The following BMPR1A variants were observed in gnomAD, a reference collection of about 807,000 sequenced individuals.
BMPR1A encodes the protein bone morphogenetic protein receptor type-1A.
In BMPR1A, 7 loss-of-function variants were observed where a neutral mutation model predicts 66.0. The ratio of observed to expected loss-of-function variants is 0.11; its 90% confidence interval spans 0.06 to 0.20. The LOEUF is 0.20. Among genes scored for constraint, BMPR1A ranks in the 10% least tolerant of loss-of-function variants. The probability of loss-of-function intolerance (pLI) is 1.00; values close to 1 mark genes in which losing one functional copy is unlikely to be tolerated. For missense variants in BMPR1A, 408 were observed against 669.1 expected, an observed-to-expected ratio of 0.61 and a Z score of 4.31; for synonymous variants, 200 against 229.7, an observed-to-expected ratio of 0.87 and a Z score of 1.17.
At chr10:86,923,240 AGT>A in intron 11 of BMPR1A, 134 bp from the exon 12 acceptor site, 8 of 1,194,772 alleles carry the variant, frequency 6.7e-6, no homozygotes, top group Non-Finnish European at 9.6e-6. Context: ...TACTATTAAG[AGT>A]GAATCATAGT....
At chr10:86,812,685 T>G (rs987095670) in intron 1 of BMPR1A, among the ~76,000 whole-genome samples, 4 of 152,140 alleles carry the variant, frequency 2.6e-5, no homozygotes, top group African/African-American at 7.2e-5. Context: ...ACAGCAAAAT[T>G]GAAGAAGTAC....
At chr10:86,864,401 G>A (rs1272057631) in intron 2 of BMPR1A, among the ~76,000 whole-genome samples, 1 of 152,098 alleles carries the variant, frequency 6.6e-6, no homozygotes, top group Non-Finnish European at 1.5e-5. Flanking sequence ...CCTCTGTCAC[G>A]ACCTTCCGTA....
intron 3 of BMPR1A, among the ~76,000 whole-genome samples, chr10:86,877,688 C>T (rs1842937262): frequency 6.6e-6 from 1 of 152,172 alleles, no homozygotes; most frequent in Non-Finnish European, 1.5e-5. Flanking sequence ...TAGTACAATA[C>T]CTTTACTTCA....
At chr10:86,891,998 G>A in intron 4 of BMPR1A, 129 bp from the exon 5 acceptor site, 1 of 730,480 alleles carries the variant, frequency 1.4e-6, no homozygotes, top group East Asian at 2.8e-5. Context: ...AATCACGTGT[G>A]AATGCAATTC....
chr10:86,841,671 G>T (rs1470594510), intron 2 of BMPR1A, among the ~76,000 whole-genome samples: 1 of 152,214 alleles, frequency 6.6e-6, no homozygotes, highest in Non-Finnish European at 1.5e-5. Flanking sequence ...GTATGCTAAT[G>T]AGTTAACTGG....
At chr10:86,898,185 G>C (rs570874463) in intron 5 of BMPR1A, among the ~76,000 whole-genome samples, 1 of 151,936 alleles carries the variant, frequency 6.6e-6, no homozygotes, top group African/African-American at 2.4e-5. Flanking sequence ...CTCCCAAGTA[G>C]CCACCACACC....
At chr10:86,903,791 T>G (rs1335438437) in intron 7 of BMPR1A, among the ~76,000 whole-genome samples, 1 of 152,074 alleles carries the variant, frequency 6.6e-6, no homozygotes, top group African/African-American at 2.4e-5. Context: ...GTATTTTTAG[T>G]AGAGACGGGG....
intron 9 of BMPR1A, among the ~76,000 whole-genome samples, chr10:86,918,276 A>G (rs1843606802): frequency 6.6e-6 from 1 of 151,630 alleles, no homozygotes; most frequent in South Asian, 2.1e-4. Flanking sequence ...TATAGATGAC[A>G]TGGATTTTAG....
intron 1 of BMPR1A, among the ~76,000 whole-genome samples, chr10:86,787,111 A>G (rs988550522): frequency 6.6e-6 from 1 of 152,064 alleles, no homozygotes; most frequent in Admixed American, 6.5e-5. Flanking sequence ...CCTTTAAAAC[A>G]TGTGTTATAT....
At chr10:86,791,713 CTTCCTTCCTTCCTTCCT>C (rs1841626750) in intron 1 of BMPR1A, among the ~76,000 whole-genome samples, 1 of 108,788 alleles carries the variant, frequency 9.2e-6, no homozygotes, top group African/African-American at 3.5e-5. Flanking sequence ...CCCTCCCTCC[CTTCCTTCCTTCCTTCCT>C]TCCCTCCCTC....
intron 2 of BMPR1A, among the ~76,000 whole-genome samples, chr10:86,861,132 C>T (rs544262522): frequency 3.3e-5 from 5 of 152,144 alleles, no homozygotes; most frequent in Admixed American, 6.5e-5. Context: ...TGAGCCACCG[C>T]GCCTGGCCTA....
At chr10:86,906,995 CATCTTT>C (rs1222304999) in intron 7 of BMPR1A, among the ~76,000 whole-genome samples, 1 of 151,794 alleles carries the variant, frequency 6.6e-6, no homozygotes, top group Admixed American at 6.6e-5. Context: ...AAACATTCTT[CATCTTT>C]AATAGCATGT....
chr10:86,912,269 G>T lies in BMPR1A; in HGVS notation c.560G>T (p.Arg187Leu), dbSNP rs189059377. ...KHYCKSISSRRRYNRDLEQDE... is the reference protein window; with the variant it reads ...KHYCKSISSRLRYNRDLEQDE... ...TATTGCAAGAGCATCTCAAGCAGAC[G>T]TCGTTACAATCGTGATTTGGAACAG... Residue 187 changes from arginine (R) to leucine (L), a missense_variant, in exon 8 of 13, where the codon CGT becomes CTT. Arg to Leu is a moderately radical substitution (Grantham distance 102, BLOSUM62 -2). Coordinates refer to ENST00000372037, the MANE Select transcript of BMPR1A (RefSeq NM_004329.3). The T allele has an allele frequency of 6.2e-7, 1 of 1,613,710 alleles. No individual in the cohort carries two copies. The highest frequency in any genetic ancestry group is 8.5e-7 in the Non-Finnish European group (1 of 1,179,872).
At chr10:86,868,022 A>G (rs529782483) in intron 2 of BMPR1A, among the ~76,000 whole-genome samples, 22 of 152,214 alleles carry the variant, frequency 1.4e-4, no homozygotes, top group Non-Finnish European at 3.2e-4. Context: ...GAAATTGGTA[A>G]CTTCAAAGTG....
At chr10:86,776,549 A>C (rs962982022) in intron 1 of BMPR1A, among the ~76,000 whole-genome samples, 2 of 152,106 alleles carry the variant, frequency 1.3e-5, no homozygotes, top group African/African-American at 4.8e-5. Context: ...TTTGTAGTCC[A>C]CTCAAGCAGT....
At chr10:86,824,055 A>AT (rs2133027790) in intron 1 of BMPR1A, among the ~76,000 whole-genome samples, 2 of 105,592 alleles carry the variant, frequency 1.9e-5, no homozygotes, top group Admixed American at 2.1e-4. Flanking sequence ...ATTTGCTTTA[A>AT]TGGCCCCTGG....
chr10:86,796,032 T>A (rs1841705518), intron 1 of BMPR1A, among the ~76,000 whole-genome samples: 1 of 152,176 alleles, frequency 6.6e-6, no homozygotes, highest in Non-Finnish European at 1.5e-5. Context: ...GTTACAATAT[T>A]TCTTTTGTTC....
chr10:86,856,217 AGC>A, intron 2 of BMPR1A: 1 of 526,022 alleles, frequency 1.9e-6, no homozygotes, highest in South Asian at 1.4e-5. Context: ...CGTTGTAGTG[AGC>A]AGGTGTAATG....
rs545796656 is a variant in BMPR1A, at chr10:86,804,911, C to T, written c.-267-33954C>T. Among the ~76,000 whole-genome samples, 103 of 150,186 alleles carry T rather than the reference C, an allele frequency of 6.9e-4. 1 individual carries two copies. The highest frequency in any genetic ancestry group is 6.9e-3 in the Middle Eastern group (2 of 288). On this transcript the variant is annotated intron_variant, in intron 1 of 12. Transcript: ENST00000372037. ...GCTGTACTTCCAAAATCAAGGGATCCAAAATAGGAGTGTCCGCAGAGCCAT... is the reference window on the plus strand; with the variant it reads ...GCTGTACTTCCAAAATCAAGGGATCTAAAATAGGAGTGTCCGCAGAGCCAT...
Sources: allele counts gnomAD v4.1 joint callset (sites outside exome capture counted in the v4.1 genomes callset), GRCh38; gene constraint gnomAD v4.1.1; transcripts MANE v1.5; gene names NCBI Gene and HGNC (gene_info 2026-07-23, HGNC 2026-07-21).